The following USP48 variants were observed in gnomAD, a reference collection of about 807,000 sequenced individuals.
USP48 encodes the protein ubiquitin carboxyl-terminal hydrolase 48.
USP48 carries 43 observed loss-of-function variants against 150.7 expected under a neutral mutation model. The observed-to-expected ratio is 0.29, with a 90% CI of 0.22 to 0.37. The LOEUF (loss-of-function observed/expected upper bound fraction) is 0.37. USP48 is among the 10% of genes least tolerant of loss of function. USP48 has a pLI of 1.00. For missense variants in USP48, 813 were observed against 1,249.6 expected (o/e 0.65, Z 5.27); for synonymous variants, 396 against 425.9 (o/e 0.93, Z 0.86).
chr1:21,777,113 G>GAA (rs777155673), intron 1 of USP48, among the ~76,000 whole-genome samples: 4 of 143,188 alleles, frequency 2.8e-5, no homozygotes, highest in African/African-American at 5.1e-5. Context: ...GACTCCATCT[G>GAA]AAAAAAAAAA....
chr1:21,717,725 A>T (rs2097708723), intron 14 of USP48, among the ~76,000 whole-genome samples: 1 of 152,174 alleles, frequency 6.6e-6, no homozygotes, highest in African/African-American at 2.4e-5. Flanking sequence ...TGGAGGGCTG[A>T]GGTGGGCAGA....
At chr1:21,690,180 A>T in intron 23 of USP48, 81 bp from the exon 24 acceptor site, 224 of 1,063,616 alleles carry the variant, frequency 2.1e-4, no homozygotes, top group Middle Eastern at 8.6e-4. Flanking sequence ...TTATGCATGG[A>T]TTCTTAAAAA....
intron 9 of USP48, chr1:21,732,624 T>A (rs1338796579): frequency 3.4e-6 from 1 of 291,526 alleles, no homozygotes; most frequent in Non-Finnish European, 6.7e-6. Flanking sequence ...CCAGAAGTAC[T>A]TTTTAACTAT....
chr1:21,703,762 T>C, intron 20 of USP48, 144 bp from the exon 21 acceptor site: 1 of 686,852 alleles, frequency 1.5e-6, no homozygotes, highest in Non-Finnish European at 2.5e-6. Flanking sequence ...GACAAGGTTT[T>C]GCTGTGTCAC....
At chr1:21,736,305 T>G (rs940020725) in intron 9 of USP48, 141 bp downstream of exon 9, 4 of 854,554 alleles carry the variant, frequency 4.7e-6, no homozygotes, top group Non-Finnish European at 6.9e-6. Context: ...AGATGTTCAG[T>G]GATTTTACAT....
intron 8 of USP48, among the ~76,000 whole-genome samples, chr1:21,742,061 T>A (rs753612906): frequency 6.6e-6 from 1 of 152,192 alleles, no homozygotes; most frequent in African/African-American, 2.4e-5. Context: ...ATACATGTTA[T>A]AATTTCTAGT....
intron 1 of USP48, among the ~76,000 whole-genome samples, chr1:21,763,092 A>G (rs1487030283): frequency 1.3e-5 from 2 of 152,192 alleles, no homozygotes; most frequent in African/African-American, 4.8e-5. Flanking sequence ...CTGGCATCAA[A>G]AGGCAAACAC....
chr1:21,739,518 CAAAAAAAAAAAA>C (rs61410306), intron 8 of USP48, among the ~76,000 whole-genome samples: 6 of 66,290 alleles, frequency 9.1e-5, no homozygotes, highest in African/African-American at 3.9e-4. Flanking sequence ...GACTCCGTCT[CAAAAAAAAAAAA>C]AAAAAAAAAA....
chr1:21,759,301 G>C (rs2152611738), intron 1 of USP48, among the ~76,000 whole-genome samples: 1 of 152,138 alleles, frequency 6.6e-6, no homozygotes, highest in Admixed American at 6.6e-5. Context: ...GCAGGAGTGG[G>C]GGAGGGAGAG....
intron 1 of USP48, among the ~76,000 whole-genome samples, chr1:21,762,955 T>C (rs1023917497): frequency 2.7e-5 from 4 of 148,170 alleles, no homozygotes; most frequent in South Asian, 2.1e-4. Context: ...TCTCAGAAAA[T>C]AGTTCCACTG....
intron 23 of USP48, among the ~76,000 whole-genome samples, chr1:21,690,953 A>G (rs965054386): frequency 6.6e-6 from 1 of 152,168 alleles, no homozygotes. Context: ...TTTTGTCTCT[A>G]GGAAGCAAAA....
chr1:21,761,433 T>TTTTTA (rs1032503778), intron 1 of USP48, among the ~76,000 whole-genome samples: 1 of 152,066 alleles, frequency 6.6e-6, no homozygotes, highest in Non-Finnish European at 1.5e-5. Flanking sequence ...CTTGGATAAT[T>TTTTTA]TTTTATTTTA....
At chr1:21,742,571 GA>G (rs2097784547) in intron 8 of USP48, among the ~76,000 whole-genome samples, 6 of 147,748 alleles carry the variant, frequency 4.1e-5, no homozygotes, top group Admixed American at 6.8e-5. Context: ...AAAAGAAAAA[GA>G]AAAAGAAAAA....
Position 21,736,462 on chromosome 1 carries a change from C to T in USP48, c.1155G>A (p.Gly385=). ...AGGTTTTACCTAGATCTTCCTCAATCCCTAGTTGTAATTTCTTCCCCTCCA... is the reference window on the plus strand; with the variant it reads ...AGGTTTTACCTAGATCTTCCTCAATTCCTAGTTGTAATTTCTTCCCCTCCA... ...EKMEGKKLQL[G]IEEDLAEPSK... Residue 385 remains glycine, a synonymous_variant, in exon 9 of 27, where the codon GGG becomes GGA. Coordinates refer to ENST00000308271, the MANE Select transcript of USP48 (RefSeq NM_032236.8). 1.9e-6 allele frequency: 3 copies of T among 1,610,844 alleles called. No homozygotes were observed. The highest frequency in any genetic ancestry group is 2.5e-6 in the Non-Finnish European group (3 of 1,178,928).
chr1:21,734,577 C>T (rs893738370), intron 9 of USP48, among the ~76,000 whole-genome samples: 7 of 152,146 alleles, frequency 4.6e-5, no homozygotes, highest in Non-Finnish European at 7.4e-5. Flanking sequence ...TGTCTCTGAC[C>T]TATTAAGAAA....
At chr1:21,738,931 A>C (rs1280949051) in intron 8 of USP48, among the ~76,000 whole-genome samples, 1 of 152,122 alleles carries the variant, frequency 6.6e-6, no homozygotes, top group East Asian at 1.9e-4. Context: ...CACTGAACTC[A>C]CCCCAGCTGA....
intron 15 of USP48, among the ~76,000 whole-genome samples, chr1:21,714,145 T>A (rs1331460002): frequency 2.6e-5 from 4 of 152,160 alleles, no homozygotes; most frequent in African/African-American, 4.8e-5. Context: ...GAACTACAGT[T>A]AGGAATTCAT....
chr1:21,724,191 C>A (rs1239946545), intron 11 of USP48, 96 bp from the exon 12 acceptor site: 2 of 1,190,930 alleles, frequency 1.7e-6, no homozygotes, highest in Non-Finnish European at 2.4e-6. Flanking sequence ...CAAACTCTGT[C>A]CAGAGTTAGC....
intron 11 of USP48, 130 bp downstream of exon 11, chr1:21,728,440 G>C: frequency 6.8e-7 from 1 of 1,472,656 alleles, no homozygotes; most frequent in Non-Finnish European, 9.0e-7. Context: ...AGTACTTTTA[G>C]AGTGTTTAAG....
Sources: allele counts gnomAD v4.1 joint callset (sites outside exome capture counted in the v4.1 genomes callset), GRCh38; gene constraint gnomAD v4.1.1; transcripts MANE v1.5; gene names NCBI Gene and HGNC (gene_info 2026-07-23, HGNC 2026-07-21).